The following RUNDC3B variants were observed in gnomAD, a reference collection of about 807,000 sequenced individuals.
RUNDC3B encodes RUN domain-containing protein 3B.
In RUNDC3B, 33 loss-of-function variants were observed where a neutral mutation model predicts 58.4. The observed-to-expected ratio is 0.56, with a 90% CI of 0.43 to 0.75. The LOEUF is 0.75. RUNDC3B is among the 30% of genes least tolerant of loss of function. RUNDC3B has a pLI of 0.00. For missense variants in RUNDC3B, 501 were observed against 535.7 expected (o/e 0.94, Z 0.64); for synonymous variants, 193 against 195.2 (o/e 0.99, Z 0.10).
At chr7:87,647,743 A>G (rs1009866451) in intron 1 of RUNDC3B, among the ~76,000 whole-genome samples, 2 of 152,126 alleles carry the variant, frequency 1.3e-5, no homozygotes, top group East Asian at 3.9e-4. Flanking sequence ...ACAAACCATT[A>G]CATAACTAAC....
chr7:87,773,657 T>C (rs929862756), intron 7 of RUNDC3B, among the ~76,000 whole-genome samples: 8 of 142,476 alleles, frequency 5.6e-5, no homozygotes, highest in Admixed American at 1.4e-4. Flanking sequence ...TTTTGTCTTG[T>C]CTTGTTTTGT....
At chr7:87,813,242 C>G (rs1836821529) in intron 9 of RUNDC3B, among the ~76,000 whole-genome samples, 2 of 152,298 alleles carry the variant, frequency 1.3e-5, no homozygotes, top group Admixed American at 6.5e-5. Flanking sequence ...GAGAAAGGCT[C>G]TAACACCACT....
At chr7:87,723,631 C>G (rs1344327751) in intron 4 of RUNDC3B, among the ~76,000 whole-genome samples, 1 of 152,056 alleles carries the variant, frequency 6.6e-6, no homozygotes, top group Admixed American at 6.6e-5. Context: ...TAAAATTACA[C>G]TGAATTGAAG....
At chr7:87,743,577 G>A (rs182398892) in intron 6 of RUNDC3B, among the ~76,000 whole-genome samples, 161 of 152,108 alleles carry the variant, frequency 1.1e-3, no homozygotes, top group African/African-American at 3.3e-3. Flanking sequence ...GTGATGTTGC[G>A]CATTTTCATA....
intron 8 of RUNDC3B, among the ~76,000 whole-genome samples, chr7:87,780,910 C>T (rs768986806): frequency 1.3e-5 from 2 of 151,994 alleles, no homozygotes; most frequent in South Asian, 2.1e-4. Context: ...AGTTTAAAGT[C>T]GGGTAATGTG....
chr7:87,691,987 G>A (rs1206872323), intron 2 of RUNDC3B, among the ~76,000 whole-genome samples: 1 of 152,000 alleles, frequency 6.6e-6, no homozygotes, highest in Non-Finnish European at 1.5e-5. Flanking sequence ...AGATATTTCT[G>A]GTTGCTTTTA....
chr7:87,813,347 T>A (rs980059851), intron 9 of RUNDC3B, among the ~76,000 whole-genome samples: 2 of 152,132 alleles, frequency 1.3e-5, no homozygotes, highest in Admixed American at 6.5e-5. Context: ...TTTTACAGAG[T>A]TTTTTCCCTG....
chr7:87,631,365 G>A (rs1263865715), intron 1 of RUNDC3B, among the ~76,000 whole-genome samples: 1 of 152,136 alleles, frequency 6.6e-6, no homozygotes, highest in African/African-American at 2.4e-5. Flanking sequence ...TTTCACTCAT[G>A]TCTCTTATGA....
chr7:87,783,755 A>G (rs1388006401), intron 8 of RUNDC3B, among the ~76,000 whole-genome samples: 1 of 152,126 alleles, frequency 6.6e-6, no homozygotes, highest in Admixed American at 6.5e-5. Flanking sequence ...TCCTTTTCTT[A>G]TGAAGCTTGG....
In RUNDC3B at chr7:87,628,456, G is replaced by A. The variant is rs980859151; in HGVS notation, c.-368G>A. ...GCGGAGTGTGGGTGGTTGGGCGTGA[G>A]GGGCCGACGGGCTCGCGCGCGCGCC... On this transcript the variant is annotated 5_prime_UTR_variant, in exon 1 of 11. Coordinates refer to ENST00000394654, the MANE Select transcript of RUNDC3B (RefSeq NM_001134405.2). 2.8e-5 allele frequency: 5 copies of A among 176,288 alleles called. No individual in the cohort carries two copies. Among genetic ancestry groups the A allele is most frequent in the African/African-American group, 1.2e-4 (5 of 42,360 alleles). 10.9% of individuals were successfully genotyped at this position (176,288 alleles called of 1,614,324 possible). A position where few individuals can be genotyped will look rare whatever the true frequency, so the allele number is the denominator to read the frequency against.
intron 8 of RUNDC3B, among the ~76,000 whole-genome samples, chr7:87,804,538 A>G (rs1836339735): frequency 6.6e-6 from 1 of 152,214 alleles, no homozygotes; most frequent in Non-Finnish European, 1.5e-5. Context: ...AGAAATTTAG[A>G]GGTAGATACC....
At chr7:87,671,522 G>A (rs564787902) in intron 2 of RUNDC3B, among the ~76,000 whole-genome samples, 3 of 152,206 alleles carry the variant, frequency 2.0e-5, no homozygotes, top group East Asian at 1.9e-4. Flanking sequence ...TGGTTGCCTC[G>A]GATTTTCTAG....
Position 87,714,492 on chromosome 7 carries a change from GA to G in RUNDC3B, c.458+3839del, listed in dbSNP as rs538101551. 2.4e-3 allele frequency among the ~76,000 whole-genome samples: 359 copies of G among 152,234 alleles called. 1 individual carries two copies. Among genetic ancestry groups the G allele is most frequent in the Middle Eastern group, 6.9e-3 (2 of 290 alleles). ...GGAGAAGTACAGTATACAGAGATAA[GA>G]ATTTACAATATAGTGTGTGTGTTAG... On this transcript the variant is annotated intron_variant, in intron 4 of 10. Coordinates refer to ENST00000394654, the MANE Select transcript of RUNDC3B (RefSeq NM_001134405.2).
At chr7:87,688,628 G>T (rs1285358532) in intron 2 of RUNDC3B, among the ~76,000 whole-genome samples, 1 of 151,600 alleles carries the variant, frequency 6.6e-6, no homozygotes, top group Non-Finnish European at 1.5e-5. Context: ...ATTACTGTTG[G>T]TAGTTTGTTA....
At chr7:87,668,106 A>T (rs373890376) in intron 2 of RUNDC3B, among the ~76,000 whole-genome samples, 2 of 149,292 alleles carry the variant, frequency 1.3e-5, no homozygotes, top group Non-Finnish European at 3.0e-5. Context: ...TTATGAATCC[A>T]TCAGGCCCTT....
At chr7:87,629,032 A>G (rs546558853) in intron 1 of RUNDC3B, 87 bp downstream of exon 1, 217 of 1,197,638 alleles carry the variant, frequency 1.8e-4, no homozygotes, top group Non-Finnish European at 2.2e-4. Context: ...GGTCCCGGGC[A>G]TGATGGGCTG....
At chr7:87,747,197 A>G (rs1351861832) in intron 6 of RUNDC3B, among the ~76,000 whole-genome samples, 1 of 151,702 alleles carries the variant, frequency 6.6e-6, no homozygotes, top group African/African-American at 2.4e-5. Context: ...CCCTTTTCCT[A>G]TGGGTGTGTC....
chr7:87,725,411 G>T (rs1221070048), intron 4 of RUNDC3B, among the ~76,000 whole-genome samples: 7 of 152,138 alleles, frequency 4.6e-5, no homozygotes, highest in South Asian at 2.1e-4. Flanking sequence ...CCCTACAAAG[G>T]ACATGAACTC....
At chr7:87,724,415 ATATATT>A (rs1831093473) in intron 4 of RUNDC3B, among the ~76,000 whole-genome samples, 1 of 152,172 alleles carries the variant, frequency 6.6e-6, no homozygotes, top group Non-Finnish European at 1.5e-5. Flanking sequence ...TAAGTCTAAA[ATATATT>A]TAGATTATTA....
Sources: allele counts gnomAD v4.1 joint callset (sites outside exome capture counted in the v4.1 genomes callset), GRCh38; gene constraint gnomAD v4.1.1; transcripts MANE v1.5; gene names NCBI Gene and HGNC (gene_info 2026-07-23, HGNC 2026-07-21).